SMARCA4: variants seen among roughly 807,000 people sequenced by gnomAD.
The protein encoded by SMARCA4 is SWI/SNF related BAF chromatin remodeling complex subunit ATPase 4, also known as SWI/SNF-related matrix-associated actin-dependent regulator of chromatin subfamily A member 4.
SMARCA4 carries 31 observed loss-of-function variants against 193.9 expected under a neutral mutation model. That is an observed-to-expected ratio of 0.16 (90% CI 0.12 to 0.22). The LOEUF (loss-of-function observed/expected upper bound fraction) is 0.22. Among genes scored for constraint, SMARCA4 ranks in the 10% least tolerant of loss-of-function variants. The pLI is 1.00. For missense variants in SMARCA4, 1,148 were observed against 2,296.0 expected (o/e 0.50, Z 10.22); for synonymous variants, 942 against 933.1 (o/e 1.01, Z -0.17).
In SMARCA4 at chr19:10,974,205, C is replaced by A. The variant is rs941137372; in HGVS notation, c.-31-9916C>A. Among the ~76,000 whole-genome samples, 3 of 152,230 alleles carry A rather than the reference C, an allele frequency of 2.0e-5. No homozygotes were observed. In the East Asian group the frequency reaches 5.8e-4, roughly 29 times the overall value. ...ACCTGCCCTGCCTGGGGCTGGTCAC[C>A]GCAGTGCTTTAAGACAAAAGCTAGG... On this transcript the variant is annotated intron_variant, in intron 1 of 34. Coordinates refer to ENST00000344626, the MANE Select transcript of SMARCA4 (RefSeq NM_003072.5).
At chr19:10,982,799 T>C (rs974537474) in intron 1 of SMARCA4, among the ~76,000 whole-genome samples, 14 of 152,126 alleles carry the variant, frequency 9.2e-5, no homozygotes, top group Admixed American at 4.6e-4. Context: ...CCACCGCGCC[T>C]GGCCAAAAAA....
At chr19:10,983,849 A>C in intron 1 of SMARCA4, 1 of 525,864 alleles carries the variant, frequency 1.9e-6, no homozygotes, top group Non-Finnish European at 3.5e-6. Context: ...GTGATCAGGA[A>C]TATGGCAGGA....
At position 11,023,547 on chromosome 19, in the gene SMARCA4, C is replaced by T. The variant is rs758526064; in HGVS notation, c.2889C>T (p.Leu963=). The change falls in exon 20 of 35, where the codon CTC becomes CTT. Residue 963 remains leucine, a synonymous_variant. Transcript: ENST00000344626. ...ACCTGAATGAGGAGGAAACCATTCT[C>T]ATCATCCGGCGTCTCCACAAAGTGC... ...KVDLNEEETI[L]IIRRLHKVLR... The T allele has an allele frequency of 4.3e-6, 7 of 1,613,312 alleles. No homozygotes were observed. The highest frequency in any genetic ancestry group is 5.1e-6 in the Non-Finnish European group (6 of 1,179,490).
intron 9 of SMARCA4, chr19:10,995,439 T>C: frequency 2.2e-6 from 1 of 460,028 alleles, no homozygotes; most frequent in Non-Finnish European, 4.4e-6. Flanking sequence ...TGGGGGCTCC[T>C]GGTTGTGCTT....
At chr19:10,976,483 C>T (rs1343554261) in intron 1 of SMARCA4, among the ~76,000 whole-genome samples, 1 of 152,038 alleles carries the variant, frequency 6.6e-6, no homozygotes, top group Non-Finnish European at 1.5e-5. Flanking sequence ...GGGCTAGGTG[C>T]GGTGGCTCAT....
At chr19:10,981,860 C>T (rs1442614660) in intron 1 of SMARCA4, among the ~76,000 whole-genome samples, 1 of 152,018 alleles carries the variant, frequency 6.6e-6, no homozygotes, top group Non-Finnish European at 1.5e-5. Flanking sequence ...TGGTGATGCA[C>T]TCCTATGGTC....
rs1036702419 is a variant in SMARCA4 at position 11,058,609 on chromosome 19, G to A, written c.4534-179G>A. On this transcript the variant is annotated intron_variant, in intron 31 of 34. Transcript: ENST00000344626. This position sits in a 1 kb window ranked among gnomAD's most constrained non-coding sequence, Gnocchi z 5.8. ...TCCTTCAAGGTCCCACTCACTTAGTGCTGGGCCTCAGTCATGCAGTTCCCA... is the reference window on the plus strand; with the variant it reads ...TCCTTCAAGGTCCCACTCACTTAGTACTGGGCCTCAGTCATGCAGTTCCCA... 2.0e-5 allele frequency among the ~76,000 whole-genome samples: 3 copies of A among 152,178 alleles called. No individual in the cohort carries two copies. The highest frequency in any genetic ancestry group is 7.2e-5 in the African/African-American group (3 of 41,444).
At chr19:10,974,568 A>G (rs1049862865) in intron 1 of SMARCA4, among the ~76,000 whole-genome samples, 17 of 147,644 alleles carry the variant, frequency 1.2e-4, no homozygotes, top group African/African-American at 3.7e-4. Flanking sequence ...GGAAAGGGTA[A>G]GTTCCTCATC....
intron 11 of SMARCA4, among the ~76,000 whole-genome samples, chr19:10,999,447 A>G (rs544401995): frequency 5.3e-5 from 8 of 152,040 alleles, no homozygotes; most frequent in Admixed American, 2.0e-4. Flanking sequence ...ACTTGAGCCC[A>G]GGAGTTCGAG....
intron 16 of SMARCA4, among the ~76,000 whole-genome samples, chr19:11,016,241 C>T (rs1483582809): frequency 2.0e-5 from 3 of 152,058 alleles, no homozygotes; most frequent in Non-Finnish European, 4.4e-5. Context: ...ATCCCCAGTA[C>T]AGTACAGGCC....
intron 34 of SMARCA4, among the ~76,000 whole-genome samples, chr19:11,061,521 G>A (rs982735232): frequency 1.6e-4 from 25 of 151,902 alleles, no homozygotes; most frequent in Non-Finnish European, 3.1e-4. Flanking sequence ...GACTACAGGC[G>A]CCCGCCACCA....
intron 9 of SMARCA4, chr19:10,995,691 A>AAC: frequency 2.7e-6 from 1 of 367,746 alleles, no homozygotes; most frequent in Non-Finnish European, 5.4e-6. Flanking sequence ...GGGCTCCCAG[A>AAC]ACAGCGTTGT....
Position 11,031,154 on chromosome 19 carries a change from A to G in SMARCA4, c.3546+261A>G, listed in dbSNP as rs2074903095. 4.0e-6 allele frequency: 2 copies of G among 496,656 alleles called. No individual in the cohort carries two copies. The highest frequency in any genetic ancestry group is 3.9e-5 in the African/African-American group (2 of 51,610). The allele number at this position is 496,656 out of a possible 1,614,324, so 30.8% of individuals were successfully genotyped here. ...CATCCGTCGGTTTGGTTTTTCTTAA[A>G]TCTTGGAATGGCACCCATGAGGAGG... On this transcript the variant is annotated intron_variant, in intron 25 of 34. Transcript: ENST00000344626. The surrounding 1 kb of genome is among the most constrained non-coding windows in gnomAD (Gnocchi z 4.3).
At chr19:10,999,881 G>T (rs534469321) in intron 11 of SMARCA4, among the ~76,000 whole-genome samples, 1 of 152,288 alleles carries the variant, frequency 6.6e-6, no homozygotes. Context: ...TTAGAGTTCA[G>T]TATTTATAGA....
At chr19:11,010,359 G>A (rs763462364) in intron 14 of SMARCA4, 22 bp from the exon 15 acceptor site, 6 of 1,613,378 alleles carry the variant, frequency 3.7e-6, no homozygotes, top group African/African-American at 2.7e-5. Flanking sequence ...GTCCTTACCC[G>A]GCACCTCCAT....
chr19:11,031,075 G>A lies in SMARCA4; in HGVS notation c.3546+182G>A. ...GGGAGAAAAGAGGCGGGGTCCTCCTGTTTCCCAAAATACAAACAGCCTTTC... is the reference window on the plus strand; with the variant it reads ...GGGAGAAAAGAGGCGGGGTCCTCCTATTTCCCAAAATACAAACAGCCTTTC... On this transcript the variant is annotated intron_variant, in intron 25 of 34. Coordinates refer to ENST00000344626, the MANE Select transcript of SMARCA4 (RefSeq NM_003072.5). The surrounding 1 kb of genome is among the most constrained non-coding windows in gnomAD (Gnocchi z 4.3). The A allele has an allele frequency of 1.5e-6, 1 of 659,252 alleles. No homozygotes were observed. Among genetic ancestry groups the A allele is most frequent in the Non-Finnish European group, 2.7e-6 (1 of 365,944 alleles). 40.8% of individuals were successfully genotyped at this position (659,252 alleles called of 1,614,324 possible).
At chr19:10,961,499 A>G (rs547078405) in intron 1 of SMARCA4, 1 of 152,124 alleles carries the variant, frequency 6.6e-6, no homozygotes, top group African/African-American at 2.4e-5. Flanking sequence ...GCACCCCTAC[A>G]GTCGCCCTCC....
intron 34 of SMARCA4, among the ~76,000 whole-genome samples, chr19:11,060,734 C>T (rs1469876664): frequency 6.6e-6 from 1 of 152,208 alleles, no homozygotes; most frequent in Non-Finnish European, 1.5e-5. Context: ...GCTTCTCAAG[C>T]TTCAGTTTCC....
intron 30 of SMARCA4, among the ~76,000 whole-genome samples, chr19:11,050,583 A>G (rs1333497543): frequency 6.6e-6 from 1 of 152,222 alleles, no homozygotes; most frequent in Non-Finnish European, 1.5e-5. Flanking sequence ...GCTGGCTGCT[A>G]CTGCTGAAGG....
Sources: allele counts gnomAD v4.1 joint callset (sites outside exome capture counted in the v4.1 genomes callset), GRCh38; gene constraint gnomAD v4.1.1; non-coding constraint Gnocchi (gnomAD v3.1); transcripts MANE v1.5; gene names NCBI Gene and HGNC (gene_info 2026-07-23, HGNC 2026-07-21).